The following COG5 variants were observed in gnomAD, a reference collection of about 807,000 sequenced individuals.
COG5 encodes component of oligomeric golgi complex 5.
COG5 carries 86 observed loss-of-function variants against 110.4 expected under a neutral mutation model. The observed-to-expected ratio is 0.78, with a 90% CI of 0.65 to 0.93. COG5 has a LOEUF of 0.93. COG5 is among the 40% of genes least tolerant of loss of function. The pLI is 0.00. For synonymous variants in COG5, 360 were observed against 334.6 expected (o/e 1.08, Z -0.83); for missense variants, 1,077 against 987.0 (o/e 1.09, Z -1.22).
At chr7:107,204,044 G>C (rs1798563597) in intron 21 of COG5, among the ~76,000 whole-genome samples, 1 of 152,152 alleles carries the variant, frequency 6.6e-6, no homozygotes, top group Admixed American at 6.5e-5. Context: ...AAGGGGATGG[G>C]GCCCTTTGGC....
In COG5 at chr7:107,416,118, G is replaced by A. The variant is rs117154096; in HGVS notation, c.539-3486C>T. ...ATCTGATAAGGTTTCATATGTGTAT[G>A]CCCCATGACTAAAATATTCCATTCT... On this transcript the variant is annotated intron_variant, in intron 6 of 21. Coordinates refer to ENST00000297135, the MANE Select transcript of COG5 (RefSeq NM_006348.5). Among the ~76,000 whole-genome samples the A allele has an allele frequency of 3.8e-3, 576 of 151,578 alleles. 6 individuals are homozygous for A. Among genetic ancestry groups the A allele is most frequent in the Non-Finnish European group, 5.2e-3 (351 of 67,764 alleles).
intron 8 of COG5, among the ~76,000 whole-genome samples, chr7:107,369,888 A>G (rs916932214): frequency 1.8e-4 from 28 of 152,178 alleles, no homozygotes; most frequent in African/African-American, 6.5e-4. Flanking sequence ...GATTTTGCCA[A>G]TCTGATGATT....
intron 10 of COG5, among the ~76,000 whole-genome samples, chr7:107,349,940 G>A (rs1811989479): frequency 6.6e-6 from 1 of 152,074 alleles, no homozygotes; most frequent in Non-Finnish European, 1.5e-5. Flanking sequence ...GACCCAACCC[G>A]CCTCGGACTC....
chr7:107,357,726 T>G (rs1562986949), intron 10 of COG5, among the ~76,000 whole-genome samples: 1 of 152,184 alleles, frequency 6.6e-6, no homozygotes, highest in Non-Finnish European at 1.5e-5. Context: ...TAGAGTGCAG[T>G]GGTGCAATCT....
At chr7:107,242,079 G>C (rs1172045761) in intron 17 of COG5, among the ~76,000 whole-genome samples, 19 of 152,180 alleles carry the variant, frequency 1.2e-4, no homozygotes, top group Admixed American at 8.5e-4. Flanking sequence ...ACTGTGCCCA[G>C]CCTAGATTGA....
rs7776814 is a variant in COG5 at position 107,383,189 on chromosome 7, G to A, written c.670-10429C>T. 3.7e-3 allele frequency among the ~76,000 whole-genome samples: 566 copies of A among 152,138 alleles called. 6 individuals are homozygous for A. The highest frequency in any genetic ancestry group is 0.013 in the African/African-American group (554 of 41,492). Reference sequence around the variant, plus strand: ...AAGACATCATTTTCTCTCCCTTTTTGGAGGAGGACTCAATTACACAGTTTC... The same window carrying A: ...AAGACATCATTTTCTCTCCCTTTTTAGAGGAGGACTCAATTACACAGTTTC... On this transcript the variant is annotated intron_variant, in intron 7 of 21. Coordinates refer to ENST00000297135, the MANE Select transcript of COG5 (RefSeq NM_006348.5).
chr7:107,357,501 C>A (rs940750487), intron 10 of COG5, among the ~76,000 whole-genome samples: 2 of 151,980 alleles, frequency 1.3e-5, no homozygotes, highest in African/African-American at 2.4e-5. Context: ...GGAATATATT[C>A]TTAAATAGCG....
intron 10 of COG5, among the ~76,000 whole-genome samples, chr7:107,349,626 C>T (rs1351079753): frequency 1.3e-5 from 2 of 151,922 alleles, no homozygotes; most frequent in African/African-American, 2.4e-5. Flanking sequence ...GGTCCGATCT[C>T]GGCTCACTGC....
intron 10 of COG5, among the ~76,000 whole-genome samples, chr7:107,353,200 C>T (rs954117280): frequency 2.7e-4 from 41 of 151,730 alleles, no homozygotes; most frequent in African/African-American, 7.0e-4. Flanking sequence ...CCGAGGTGGG[C>T]GGATCACAAG....
chr7:107,231,544 C>T (rs542541187), intron 18 of COG5, among the ~76,000 whole-genome samples: 19 of 152,312 alleles, frequency 1.2e-4, no homozygotes, highest in African/African-American at 4.6e-4. Context: ...TCCACTCTTG[C>T]TATAAATAGC....
intron 10 of COG5, among the ~76,000 whole-genome samples, chr7:107,327,143 A>C (rs914474017): frequency 2.3e-4 from 35 of 152,196 alleles, no homozygotes; most frequent in African/African-American, 8.2e-4. Flanking sequence ...TAAACGATCA[A>C]GTATACAGTC....
chr7:107,341,194 C>G (rs1301509723), intron 10 of COG5, among the ~76,000 whole-genome samples: 2 of 152,052 alleles, frequency 1.3e-5, no homozygotes, highest in Non-Finnish European at 2.9e-5. Flanking sequence ...GAAACAAAAC[C>G]AATGTATAAA....
At chr7:107,545,011 A>G (rs908295135) in intron 5 of COG5, among the ~76,000 whole-genome samples, 3 of 152,206 alleles carry the variant, frequency 2.0e-5, no homozygotes, top group Non-Finnish European at 4.4e-5. Flanking sequence ...AATTCCAAAG[A>G]GAGCTTCAAC....
rs1242143517 is a variant in COG5, at chr7:107,256,059, C to A, written c.1749+673G>T. ...CCTCTCTAGTACTCTTGATAATATG[C>A]TTGTTTTTAAAAGAGATACTGTCAA... On this transcript the variant is annotated intron_variant, in intron 16 of 21. Transcript: ENST00000297135. Among the ~76,000 whole-genome samples the A allele has an allele frequency of 2.6e-5, 4 of 152,084 alleles. No individual in the cohort carries two copies. In the East Asian group the frequency reaches 5.8e-4, roughly 22 times the overall value.
chr7:107,281,676 T>A (rs779983330), intron 13 of COG5, among the ~76,000 whole-genome samples: 1 of 152,170 alleles, frequency 6.6e-6, no homozygotes, highest in South Asian at 2.1e-4. Flanking sequence ...GTGTACAGAT[T>A]TTTAAAGTAG....
At chr7:107,512,454 G>T (rs1001324147) in intron 6 of COG5, among the ~76,000 whole-genome samples, 10 of 152,116 alleles carry the variant, frequency 6.6e-5, no homozygotes, top group African/African-American at 2.4e-4. Context: ...TCAATATCGT[G>T]AAAATGGCCA....
rs1369518965 is a variant in COG5 at position 107,295,022 on chromosome 7, TATATACACACAC to T, written c.1313+3108_1313+3119del. ...ACACATCTATATATACACACATATA[TATATACACACAC>T]ATATACACACACACACACACACACA... On this transcript the variant is annotated intron_variant, in intron 12 of 21. Transcript: ENST00000297135. Among the ~76,000 whole-genome samples the T allele has an allele frequency of 8.7e-5, 11 of 126,020 alleles. No individual in the cohort carries two copies. In the East Asian group the frequency reaches 2.1e-3, roughly 24 times the overall value. 82.7% of individuals were successfully genotyped at this position (126,020 alleles called of 152,430 possible). A position where few individuals can be genotyped will look rare whatever the true frequency, so the allele number is the denominator to read the frequency against.
intron 6 of COG5, among the ~76,000 whole-genome samples, chr7:107,435,085 T>G (rs1794283683): frequency 6.6e-6 from 1 of 152,196 alleles, no homozygotes; most frequent in Non-Finnish European, 1.5e-5. Flanking sequence ...ATTCTACTTT[T>G]ATGGGTTATC....
intron 10 of COG5, among the ~76,000 whole-genome samples, chr7:107,352,515 C>CAA (rs201008309): frequency 1.7e-5 from 2 of 120,122 alleles, no homozygotes; most frequent in Non-Finnish European, 3.7e-5. Context: ...AAAAAAAAAA[C>CAA]AAAAAAAAAA....
Sources: allele counts gnomAD v4.1 joint callset (sites outside exome capture counted in the v4.1 genomes callset), GRCh38; gene constraint gnomAD v4.1.1; transcripts MANE v1.5; gene names NCBI Gene and HGNC (gene_info 2026-07-23, HGNC 2026-07-21).